Variants in NTM observed in about 807,000 individuals in gnomAD.
The protein encoded by NTM is IgLON family member 2.
A neutral mutation model predicts 42.1 loss-of-function variants in NTM; 13 were observed. The observed-to-expected ratio is 0.31, with a 90% CI of 0.20 to 0.49. The LOEUF is 0.49. Ranked by LOEUF, NTM falls within the 20% of genes least tolerant of loss-of-function variation. NTM has a pLI of 0.99. For missense variants in NTM, 373 were observed against 452.8 expected (o/e 0.82, Z 1.60); for synonymous variants, 187 against 179.2 (o/e 1.04, Z -0.35).
At chr11:131,371,164 T>G (rs1199654571) in intron 1 of NTM, 1 of 895,482 alleles carries the variant, frequency 1.1e-6, no homozygotes, top group Non-Finnish European at 1.3e-6. Context: ...GCTCCCTGGC[T>G]TCATGCACAT....
intron 2 of NTM, among the ~76,000 whole-genome samples, chr11:131,976,400 C>G (rs2064390248): frequency 1.3e-5 from 2 of 152,134 alleles, no homozygotes; most frequent in Non-Finnish European, 2.9e-5. Context: ...CTTGACTCTT[C>G]CTTCTCAGTT....
chr11:132,069,735 G>T (rs2057175830), intron 2 of NTM, among the ~76,000 whole-genome samples: 2 of 148,410 alleles, frequency 1.3e-5, no homozygotes, highest in South Asian at 4.3e-4. Flanking sequence ...ACCATCACAG[G>T]TTAGTTAACA....
chr11:132,139,537 A>C (rs920512771), intron 2 of NTM, among the ~76,000 whole-genome samples: 6 of 152,232 alleles, frequency 3.9e-5, no homozygotes, highest in African/African-American at 1.4e-4. Flanking sequence ...AGGGACAGGA[A>C]GGACAGGTGG....
intron 2 of NTM, among the ~76,000 whole-genome samples, chr11:132,126,262 C>T (rs1274769804): frequency 3.3e-5 from 5 of 152,138 alleles, no homozygotes; most frequent in Non-Finnish European, 5.9e-5. Flanking sequence ...CTCTCCAGCC[C>T]AGCTGTGGTG....
At chr11:132,304,360 A>T (rs2094992456) in intron 4 of NTM, among the ~76,000 whole-genome samples, 1 of 151,520 alleles carries the variant, frequency 6.6e-6, no homozygotes, top group Non-Finnish European at 1.5e-5. Flanking sequence ...CCTCTTCCCC[A>T]CTGATGTCTC....
chr11:132,236,019 CACAA>C (rs945034765), intron 4 of NTM, among the ~76,000 whole-genome samples: 18 of 148,394 alleles, frequency 1.2e-4, no homozygotes, highest in South Asian at 6.4e-4. Flanking sequence ...CACACACACA[CACAA>C]CAAAATTGTA....
rs79653028 is a variant in NTM at position 131,671,330 on chromosome 11, C to T, written c.83-240234C>T. 8.2e-3 allele frequency: 5,826 copies of T among 713,628 alleles called. 279 individuals carry two copies. In the African/African-American group the frequency reaches 0.1, roughly 12 times the overall value. The allele number at this position is 713,628 out of a possible 1,614,324, so 44.2% of individuals were successfully genotyped here. Reference sequence around the variant, plus strand: ...ATCTGGCGTCTATACTCATCCTCCCCGCCCAACCCCATCACTGCACACTTT... The same window carrying T: ...ATCTGGCGTCTATACTCATCCTCCCTGCCCAACCCCATCACTGCACACTTT... On this transcript the variant is annotated intron_variant, in intron 1 of 8. Coordinates refer to ENST00000683400, the MANE Select transcript of NTM (RefSeq NM_001352005.2).
intron 1 of NTM, among the ~76,000 whole-genome samples, chr11:131,623,458 C>T (rs181391571): frequency 2.0e-5 from 3 of 152,358 alleles, no homozygotes; most frequent in African/African-American, 7.2e-5. Flanking sequence ...ATGCTGTCCA[C>T]CGAATTCCAT....
chr11:132,311,840 G>A (rs2095290018), intron 6 of NTM, among the ~76,000 whole-genome samples: 1 of 152,326 alleles, frequency 6.6e-6, no homozygotes, highest in East Asian at 1.9e-4. Flanking sequence ...AAGGATGAGA[G>A]AGCTCTCCTC....
chr11:131,915,011 C>T (rs1238007772), intron 2 of NTM, among the ~76,000 whole-genome samples: 1 of 152,186 alleles, frequency 6.6e-6, no homozygotes. Context: ...AGCTTTGAAG[C>T]CAGGCTATGA....
intron 1 of NTM, among the ~76,000 whole-genome samples, chr11:131,789,492 G>GAAGAAGAAGAAGAA (rs1565550943): frequency 3.2e-4 from 1 of 3,162 alleles, no homozygotes; most frequent in Admixed American, 4.5e-3. Flanking sequence ...AAGAAGAAGA[G>GAAGAAGAAGAAGAA]GAAAGAAGAA....
Position 132,100,599 on chromosome 11 carries a change from G to A in NTM, c.168-45683G>A, listed in dbSNP as rs187825832. 2.1e-3 allele frequency among the ~76,000 whole-genome samples: 320 copies of A among 152,244 alleles called. 1 individual carries two copies. The highest frequency in any genetic ancestry group is 7.3e-3 in the African/African-American group (303 of 41,516). On this transcript the variant is annotated intron_variant, in intron 2 of 8. Transcript: ENST00000683400. Reference sequence around the variant, plus strand: ...TCATTTCCTTTGGCCCTGGGCATGTGGGCACAAACTTACTCGAATGGCCAT... The same window carrying A: ...TCATTTCCTTTGGCCCTGGGCATGTAGGCACAAACTTACTCGAATGGCCAT...
intron 1 of NTM, among the ~76,000 whole-genome samples, chr11:131,463,175 T>C (rs1460448535): frequency 2.0e-5 from 3 of 152,204 alleles, no homozygotes; most frequent in Non-Finnish European, 2.9e-5. Context: ...TCCATCCTAT[T>C]GCCCTCCTGT....
At chr11:132,172,060 A>C (rs2076191751) in intron 3 of NTM, among the ~76,000 whole-genome samples, 1 of 152,164 alleles carries the variant, frequency 6.6e-6, no homozygotes. Flanking sequence ...TGGTGCCTTA[A>C]ATTCCACATA....
At chr11:132,263,175 G>A (rs926891002) in intron 4 of NTM, among the ~76,000 whole-genome samples, 2 of 152,202 alleles carry the variant, frequency 1.3e-5, no homozygotes, top group African/African-American at 2.4e-5. Context: ...GGGCAGGGTT[G>A]CAGCTCCATG....
intron 1 of NTM, among the ~76,000 whole-genome samples, chr11:131,763,243 A>C (rs2084517602): frequency 6.6e-6 from 1 of 152,248 alleles, no homozygotes. Flanking sequence ...TTAACATCAA[A>C]TATTTTAGTC....
intron 1 of NTM, among the ~76,000 whole-genome samples, chr11:131,386,464 T>A (rs971320932): frequency 6.6e-6 from 1 of 152,254 alleles, no homozygotes; most frequent in African/African-American, 2.4e-5. Context: ...TTTTATTTCA[T>A]GCGTATTTTA....
At chr11:132,107,993 C>T (rs1160274640) in intron 2 of NTM, among the ~76,000 whole-genome samples, 1 of 152,220 alleles carries the variant, frequency 6.6e-6, no homozygotes, top group African/African-American at 2.4e-5. Context: ...AAGTCCCACA[C>T]AAACATATAA....
At chr11:131,926,811 C>A (rs2058018152) in intron 2 of NTM, among the ~76,000 whole-genome samples, 1 of 152,316 alleles carries the variant, frequency 6.6e-6, no homozygotes, top group Admixed American at 6.5e-5. Context: ...GCACACACAT[C>A]CAGCCGCGAG....
Sources: allele counts gnomAD v4.1 joint callset (sites outside exome capture counted in the v4.1 genomes callset), GRCh38; gene constraint gnomAD v4.1.1; transcripts MANE v1.5; gene names NCBI Gene and HGNC (gene_info 2026-07-23, HGNC 2026-07-21).